Variants in DNAAF4 observed in about 807,000 individuals in gnomAD.
The protein encoded by DNAAF4 is dynein axonemal assembly factor 4.
DNAAF4 carries 43 observed loss-of-function variants against 51.8 expected under a neutral mutation model. The ratio of observed to expected loss-of-function variants is 0.83; its 90% confidence interval spans 0.65 to 1.07. The LOEUF (loss-of-function observed/expected upper bound fraction) is 1.07, where lower values mean the gene tolerates loss of function less well. Ranked by LOEUF, DNAAF4 falls within the 50% of genes least tolerant of loss-of-function variation. The pLI is 0.00. For missense variants in DNAAF4, 581 were observed against 493.0 expected (o/e 1.18, Z -1.69); for synonymous variants, 194 against 165.6 (o/e 1.17, Z -1.32).
chr15:55,460,029 A>G (rs891726743), intron 5 of DNAAF4, among the ~76,000 whole-genome samples: 4 of 151,884 alleles, frequency 2.6e-5, no homozygotes, highest in African/African-American at 9.7e-5. Flanking sequence ...TACAAAACAA[A>G]GCAGACTTTA....
chr15:55,489,033 G>C (rs2058531925), intron 4 of DNAAF4, among the ~76,000 whole-genome samples: 1 of 151,636 alleles, frequency 6.6e-6, no homozygotes, highest in African/African-American at 2.4e-5. Flanking sequence ...AGCTTGCAGT[G>C]AGCTGAGATT....
intron 5 of DNAAF4, among the ~76,000 whole-genome samples, chr15:55,455,209 T>G (rs1478995386): frequency 6.7e-6 from 1 of 149,706 alleles, no homozygotes; most frequent in Admixed American, 6.7e-5. Flanking sequence ...ACAACAGGTA[T>G]TTCTCTTATC....
In DNAAF4 at chr15:55,432,484, A is replaced by G. The variant is rs2057511791; in HGVS notation, c.1153+13T>C. 6 of 1,602,968 alleles carry G rather than the reference A, an allele frequency of 3.7e-6. No homozygotes were observed. The South Asian group carries it at 6.7e-5, about 18-fold the overall frequency. On this transcript the variant is annotated intron_variant, in intron 9 of 9. Transcript: ENST00000321149. The stretch of plus-strand genomic sequence containing the variant: ...ATAACTTGGGACTTAAACCATTTCT[A>G]TCAATTCCTTACCTTCTACATACAA...
chr15:55,488,817 G>T (rs966938133), intron 4 of DNAAF4, among the ~76,000 whole-genome samples: 4 of 152,064 alleles, frequency 2.6e-5, no homozygotes, highest in Non-Finnish European at 4.4e-5. Context: ...AGCTGGGTGC[G>T]GCAGCTCACA....
chr15:55,421,837 C>T (rs753934118), intron 7 of DNAAF4, among the ~76,000 whole-genome samples: 3 of 150,672 alleles, frequency 2.0e-5, no homozygotes, highest in Non-Finnish European at 3.0e-5. Context: ...TGCGGTGAGC[C>T]GATATCACAC....
intron 6 of DNAAF4, among the ~76,000 whole-genome samples, chr15:55,444,257 C>T (rs1384163581): frequency 1.3e-5 from 2 of 152,218 alleles, no homozygotes; most frequent in African/African-American, 4.8e-5. Flanking sequence ...CAGCTTTCTA[C>T]ATATGGCTAG....
chr15:55,425,764 A>G (rs1039557691), downstream of DNAAF4, among the ~76,000 whole-genome samples: 2 of 152,212 alleles, frequency 1.3e-5, no homozygotes, highest in African/African-American at 4.8e-5. Flanking sequence ...GGTGTAGGAC[A>G]GAACCCTTTT....
rs1291187130 is a variant in DNAAF4, at chr15:55,480,912, C to T, written c.405+10211G>A. The stretch of plus-strand genomic sequence containing the variant: ...AATCCCCACGTGTCAAGGGTGGGAC[C>T]AGGTGGAGGTAAATGAATCATGGGG... On this transcript the variant is annotated intron_variant, in intron 4 of 9. Transcript: ENST00000321149. 2.0e-5 allele frequency among the ~76,000 whole-genome samples: 3 copies of T among 152,196 alleles called. No homozygotes were observed. In the East Asian group the frequency reaches 5.8e-4, roughly 29 times the overall value.
chr15:55,420,196 G>A (rs1367216651), intron 7 of DNAAF4, among the ~76,000 whole-genome samples: 1 of 152,106 alleles, frequency 6.6e-6, no homozygotes, highest in Non-Finnish European at 1.5e-5. Context: ...GGCTATTCTA[G>A]GGAGAGGAAA....
intron 7 of DNAAF4, among the ~76,000 whole-genome samples, chr15:55,421,426 C>T (rs890932407): frequency 2.6e-5 from 4 of 151,710 alleles, no homozygotes; most frequent in Non-Finnish European, 4.4e-5. Context: ...TCTCTTTAAC[C>T]TGGGAGGTGG....
rs757967709 is a variant in DNAAF4, at chr15:55,439,598, G to T, written c.784-17C>A. On this transcript the variant is annotated splice_polypyrimidine_tract_variant and intron_variant, in intron 6 of 9. Coordinates refer to ENST00000321149, the MANE Select transcript of DNAAF4 (RefSeq NM_130810.4). ...GTGTAGCCACTAGAATGAGAAAGAA[G>T]TCTTATGAAGAATAAAAAGGTCTTT... The T allele has an allele frequency of 1.3e-6, 2 of 1,595,548 alleles. No homozygotes were observed. The highest frequency in any genetic ancestry group is 1.4e-5 in the African/African-American group (1 of 73,978).
At chr15:55,491,859 T>C (rs1567033490) in intron 3 of DNAAF4, among the ~76,000 whole-genome samples, 1 of 148,810 alleles carries the variant, frequency 6.7e-6, no homozygotes, top group Admixed American at 6.8e-5. Flanking sequence ...ACAGCTTGTT[T>C]GTTTGTTTTC....
At chr15:55,466,846 G>A (rs2058177666) in intron 5 of DNAAF4, 84 bp downstream of exon 5, 2 of 1,508,736 alleles carry the variant, frequency 1.3e-6, no homozygotes, top group Non-Finnish European at 1.8e-6. Flanking sequence ...ACCTAATGCT[G>A]TGAATAGATT....
intron 1 of DNAAF4, among the ~76,000 whole-genome samples, chr15:55,499,224 C>A (rs569474607): frequency 2.0e-5 from 3 of 152,148 alleles, no homozygotes; most frequent in Admixed American, 1.3e-4. Flanking sequence ...AATAGAGACA[C>A]GTGGTCATTT....
Position 55,479,856 on chromosome 15 carries a change from C to T in DNAAF4, c.405+11267G>A, listed in dbSNP as rs139939669. Among the ~76,000 whole-genome samples the T allele has an allele frequency of 2.2e-3, 337 of 152,190 alleles. 1 individual carries two copies. The highest frequency in any genetic ancestry group is 3.5e-3 in the Non-Finnish European group (235 of 68,008). The stretch of plus-strand genomic sequence containing the variant: ...TAGGGTGGGGGAAAAACTCCACCCT[C>T]GTAAATTTGTGGTCAGACCAGTTCT... On this transcript the variant is annotated intron_variant, in intron 4 of 9. Coordinates refer to ENST00000321149, the MANE Select transcript of DNAAF4 (RefSeq NM_130810.4).
rs941409621 is a variant in DNAAF4, at chr15:55,430,511, C to T, written c.*159G>A. On this transcript the variant is annotated 3_prime_UTR_variant, in exon 10 of 10. Coordinates refer to ENST00000321149, the MANE Select transcript of DNAAF4 (RefSeq NM_130810.4). ...TTACTTATTCAGAAATGATTCAAGT[C>T]AAACAGTTTATTTTCTATAGATTTA... 1 of 1,219,914 alleles carries T rather than the reference C, an allele frequency of 8.2e-7. No individual in the cohort carries two copies. Among genetic ancestry groups the T allele is most frequent in the African/African-American group, 1.6e-5 (1 of 64,180 alleles). 75.6% of individuals were successfully genotyped at this position (1,219,914 alleles called of 1,614,324 possible).
intron 3 of DNAAF4, among the ~76,000 whole-genome samples, chr15:55,495,689 A>G (rs2058631576): frequency 6.6e-6 from 1 of 152,158 alleles, no homozygotes; most frequent in Non-Finnish European, 1.5e-5. Context: ...GAGCTATGGT[A>G]ACACCAACCG....
intron 4 of DNAAF4, among the ~76,000 whole-genome samples, chr15:55,475,012 C>G (rs1303791456): frequency 6.6e-6 from 1 of 151,980 alleles, no homozygotes; most frequent in African/African-American, 2.4e-5. Context: ...AATATATAAG[C>G]AAGTCATATA....
intron 6 of DNAAF4, among the ~76,000 whole-genome samples, chr15:55,444,096 T>C (rs897822390): frequency 6.6e-6 from 1 of 152,194 alleles, no homozygotes; most frequent in African/African-American, 2.4e-5. Flanking sequence ...GCTTTTGGTG[T>C]TTTAGACATG....
Sources: allele counts gnomAD v4.1 joint callset (sites outside exome capture counted in the v4.1 genomes callset), GRCh38; gene constraint gnomAD v4.1.1; transcripts MANE v1.5; gene names NCBI Gene and HGNC (gene_info 2026-07-23, HGNC 2026-07-21).